The following KCND2 variants were observed in gnomAD, a reference collection of about 807,000 sequenced individuals.
The protein encoded by KCND2 is A-type voltage-gated potassium channel KCND2.
KCND2 carries 16 observed loss-of-function variants against 54.4 expected under a neutral mutation model. That is an observed-to-expected ratio of 0.29 (90% CI 0.20 to 0.45). KCND2 has a LOEUF of 0.45. Among genes scored for constraint, KCND2 ranks in the 20% least tolerant of loss-of-function variants. The pLI is 1.00. For synonymous variants in KCND2, 317 were observed against 310.7 expected (o/e 1.02, Z -0.21); for missense variants, 486 against 824.2 (o/e 0.59, Z 5.02).
chr7:120,526,852 T>G (rs1011265548), intron 1 of KCND2, among the ~76,000 whole-genome samples: 1 of 152,158 alleles, frequency 6.6e-6, no homozygotes, highest in Non-Finnish European at 1.5e-5. Context: ...TGACATGTCA[T>G]TAATTTTCAG....
chr7:120,449,611 C>T (rs937703655), intron 1 of KCND2, among the ~76,000 whole-genome samples: 8 of 152,092 alleles, frequency 5.3e-5, no homozygotes, highest in African/African-American at 1.7e-4. Flanking sequence ...TTGTGGTAAA[C>T]TGGGATGTGA....
intron 1 of KCND2, among the ~76,000 whole-genome samples, chr7:120,524,886 A>G (rs1281089903): frequency 6.6e-6 from 1 of 152,182 alleles, no homozygotes; most frequent in African/African-American, 2.4e-5. Flanking sequence ...CAACGTCGGG[A>G]TAGGAAAGAT....
At chr7:120,388,389 G>A (rs912935370) in intron 1 of KCND2, among the ~76,000 whole-genome samples, 10 of 152,016 alleles carry the variant, frequency 6.6e-5, no homozygotes, top group African/African-American at 2.4e-4. Flanking sequence ...TTCAGCAACA[G>A]CATGGGGTAT....
At chr7:120,456,057 A>G (rs1381806117) in intron 1 of KCND2, among the ~76,000 whole-genome samples, 2 of 152,226 alleles carry the variant, frequency 1.3e-5, no homozygotes, top group African/African-American at 4.8e-5. Flanking sequence ...ACTAAAAAAC[A>G]GAAGTTACAG....
intron 1 of KCND2, among the ~76,000 whole-genome samples, chr7:120,663,173 A>G (rs562238910): frequency 3.3e-5 from 5 of 152,286 alleles, no homozygotes; most frequent in African/African-American, 1.2e-4. Context: ...TTCTTGAAGC[A>G]TTTTCTTAGT....
intron 1 of KCND2, among the ~76,000 whole-genome samples, chr7:120,475,253 C>T (rs977886763): frequency 1.3e-5 from 2 of 152,170 alleles, no homozygotes; most frequent in East Asian, 3.8e-4. Flanking sequence ...GAACGTTGAA[C>T]ATAAGCACAT....
intron 1 of KCND2, among the ~76,000 whole-genome samples, chr7:120,423,642 G>T (rs988534839): frequency 3.3e-5 from 5 of 152,154 alleles, no homozygotes; most frequent in Admixed American, 2.6e-4. Context: ...GTTGAAACTG[G>T]ACTAACTGGT....
intron 1 of KCND2, among the ~76,000 whole-genome samples, chr7:120,560,793 T>G (rs1792223491): frequency 6.6e-6 from 1 of 152,172 alleles, no homozygotes. Context: ...CACTGAGTAA[T>G]TGCTCAAATT....
Position 120,527,700 on chromosome 7 carries a change from A to C in KCND2, c.1116-205203A>C, listed in dbSNP as rs1562864414. Among the ~76,000 whole-genome samples, 3 of 152,210 alleles carry C rather than the reference A, an allele frequency of 2.0e-5. No individual in the cohort carries two copies. In the South Asian group the frequency reaches 6.2e-4, roughly 32 times the overall value. On this transcript the variant is annotated intron_variant, in intron 1 of 5. Transcript: ENST00000331113. ...ACCTTTTTAATTGCCATTAAAAAAA[A>C]CAAATAAATAAATTCATGTACATTT...
chr7:120,496,123 G>A (rs1195564429), intron 1 of KCND2, among the ~76,000 whole-genome samples: 1 of 152,124 alleles, frequency 6.6e-6, no homozygotes, highest in Non-Finnish European at 1.5e-5. Flanking sequence ...AGTAAGAGGA[G>A]GTAGAAGCAT....
At chr7:120,380,346 T>G (rs1320136099) in intron 1 of KCND2, among the ~76,000 whole-genome samples, 2 of 152,056 alleles carry the variant, frequency 1.3e-5, no homozygotes, top group Non-Finnish European at 2.9e-5. Flanking sequence ...CTTTCCTGTT[T>G]CCATTTATAA....
intron 1 of KCND2, among the ~76,000 whole-genome samples, chr7:120,685,738 GAAGA>G (rs1792193950): frequency 6.6e-6 from 1 of 152,146 alleles, no homozygotes; most frequent in South Asian, 2.1e-4. Flanking sequence ...CTCTAAAAAT[GAAGA>G]AAGAAAAGTT....
intron 1 of KCND2, among the ~76,000 whole-genome samples, chr7:120,603,624 A>T (rs1792842369): frequency 6.6e-6 from 1 of 152,186 alleles, no homozygotes; most frequent in African/African-American, 2.4e-5. Context: ...TCCTAGCCCT[A>T]CACTTATTAA....
At chr7:120,426,811 C>T (rs1400911578) in intron 1 of KCND2, among the ~76,000 whole-genome samples, 1 of 151,852 alleles carries the variant, frequency 6.6e-6, no homozygotes, top group Non-Finnish European at 1.5e-5. Context: ...TTAGTAGAGA[C>T]GGGGTTCACT....
chr7:120,638,015 T>A (rs76160170), intron 1 of KCND2, among the ~76,000 whole-genome samples: 1,713 of 152,048 alleles, frequency 0.011, 10 homozygotes, highest in Non-Finnish European at 0.015. Flanking sequence ...GAAAAAAAAA[T>A]TACATTAAAA....
chr7:120,285,444 A>G (rs759414423), intron 1 of KCND2, among the ~76,000 whole-genome samples: 1 of 151,994 alleles, frequency 6.6e-6, no homozygotes, highest in Non-Finnish European at 1.5e-5. Flanking sequence ...TGTCTATTTT[A>G]TTAGAACATT....
intron 1 of KCND2, among the ~76,000 whole-genome samples, chr7:120,384,778 A>G (rs1410750869): frequency 6.6e-6 from 1 of 152,164 alleles, no homozygotes; most frequent in African/African-American, 2.4e-5. Flanking sequence ...ATTTACATTT[A>G]GCTTGTCAGA....
intron 1 of KCND2, among the ~76,000 whole-genome samples, chr7:120,664,198 C>G: frequency 6.6e-6 from 1 of 152,064 alleles, no homozygotes; most frequent in East Asian, 1.9e-4. Flanking sequence ...TTTCGGCCTT[C>G]TTTTCATCAT....
intron 1 of KCND2, among the ~76,000 whole-genome samples, chr7:120,449,732 C>G (rs1802074588): frequency 6.6e-6 from 1 of 152,192 alleles, no homozygotes; most frequent in Non-Finnish European, 1.5e-5. Context: ...CTTAGTTAAG[C>G]CTGCCACTCA....
Sources: gnomAD v4.1 joint callset for allele counts (sites outside exome capture counted in the v4.1 genomes callset) on GRCh38, gnomAD v4.1.1 for gene constraint, MANE v1.5 for transcripts, NCBI Gene and HGNC (gene_info 2026-07-23, HGNC 2026-07-21) for gene names.